BBS9: variants seen among roughly 807,000 people sequenced by gnomAD.
The protein encoded by BBS9 is Bardet-Biedl syndrome 9.
In BBS9, 89 loss-of-function variants were observed where a neutral mutation model predicts 117.7. The observed-to-expected ratio is 0.76, with a 90% CI of 0.64 to 0.90. The LOEUF is 0.90. Ranked by LOEUF, BBS9 falls within the 40% of genes least tolerant of loss-of-function variation. The pLI is 0.00. For synonymous variants in BBS9, 379 were observed against 370.9 expected (o/e 1.02, Z -0.25); for missense variants, 982 against 1,042.2 (o/e 0.94, Z 0.80).
At chr7:33,408,525 T>G (rs919056356) in intron 19 of BBS9, among the ~76,000 whole-genome samples, 17 of 152,212 alleles carry the variant, frequency 1.1e-4, no homozygotes, top group Non-Finnish European at 2.1e-4. Flanking sequence ...ACCTGTCTTC[T>G]GCGTCGCTCA....
rs145069087 is a variant in BBS9 at position 33,518,820 on chromosome 7, C to T, written c.2298+13175C>T. Among the ~76,000 whole-genome samples the T allele has an allele frequency of 4.6e-3, 707 of 152,324 alleles. 6 individuals are homozygous for T. The highest frequency in any genetic ancestry group is 0.016 in the African/African-American group (680 of 41,562). Reference sequence around the variant, plus strand: ...TTTTGAGATTTGTGCTGCTCCCCTACTGTTATCTTAGCTTGATAGCTGTGA... The same window carrying T: ...TTTTGAGATTTGTGCTGCTCCCCTATTGTTATCTTAGCTTGATAGCTGTGA... On this transcript the variant is annotated intron_variant, in intron 20 of 22. Coordinates refer to ENST00000242067, the MANE Select transcript of BBS9 (RefSeq NM_198428.3).
rs563964284 is a variant in BBS9, at chr7:33,513,689, C to A, written c.2298+8044C>A. Among the ~76,000 whole-genome samples the A allele has an allele frequency of 5.3e-5, 8 of 152,236 alleles. No individual in the cohort carries two copies. In the East Asian group the frequency reaches 1.5e-3, roughly 29 times the overall value. On this transcript the variant is annotated intron_variant, in intron 20 of 22. Coordinates refer to ENST00000242067, the MANE Select transcript of BBS9 (RefSeq NM_198428.3). Reference sequence around the variant, plus strand: ...CTAAAAGATATAGATAGATTATAGTCAAACCACCATAAATAAATATTCACA... The same window carrying A: ...CTAAAAGATATAGATAGATTATAGTAAAACCACCATAAATAAATATTCACA...
intron 7 of BBS9, among the ~76,000 whole-genome samples, chr7:33,269,613 G>A (rs1254005635): frequency 6.6e-6 from 1 of 152,036 alleles, no homozygotes; most frequent in Non-Finnish European, 1.5e-5. Context: ...CACAGAAGTG[G>A]GAGAAGAGCT....
At chr7:33,540,720 C>G (rs1263837277) in intron 21 of BBS9, among the ~76,000 whole-genome samples, 6 of 152,164 alleles carry the variant, frequency 3.9e-5, no homozygotes, top group Admixed American at 3.3e-4. Flanking sequence ...ATTAAAAGGG[C>G]AATGACCATG....
chr7:33,451,458 T>G (rs1246776823), intron 19 of BBS9, among the ~76,000 whole-genome samples: 2 of 152,216 alleles, frequency 1.3e-5, no homozygotes, highest in Admixed American at 6.5e-5. Flanking sequence ...GACTATATTT[T>G]CACCCACTAT....
intron 16 of BBS9, among the ~76,000 whole-genome samples, chr7:33,364,575 G>T (rs1821281848): frequency 6.6e-6 from 1 of 150,436 alleles, no homozygotes. Context: ...TCTTTCTTCT[G>T]CTTAATCAGT....
At chr7:33,360,609 T>A (rs950657135) in intron 16 of BBS9, among the ~76,000 whole-genome samples, 4 of 151,054 alleles carry the variant, frequency 2.6e-5, no homozygotes, top group African/African-American at 7.3e-5. Flanking sequence ...CAGCCTCTAC[T>A]TCCTGGGCTC....
At chr7:33,424,469 A>T (rs1037026586) in intron 19 of BBS9, among the ~76,000 whole-genome samples, 1 of 152,102 alleles carries the variant, frequency 6.6e-6, no homozygotes, top group Admixed American at 6.5e-5. Flanking sequence ...TGTTTTTTTT[A>T]AAAGGTTCCC....
At position 33,291,507 on chromosome 7, in the gene BBS9, A is replaced by AT. The variant is rs562067437; in HGVS notation, c.1016+17557dup. On this transcript the variant is annotated intron_variant, in intron 9 of 22. Transcript: ENST00000242067. ...TGAAAATTCATGCCTATTTTGAATA[A>AT]TTTTTTCAAGATTATGTCACATTTG... 2.0e-3 allele frequency among the ~76,000 whole-genome samples: 311 copies of AT among 152,174 alleles called. 1 individual carries two copies. The highest frequency in any genetic ancestry group is 6.6e-3 in the African/African-American group (276 of 41,516).
chr7:33,618,668 A>C (rs904075459), intron 21 of BBS9, among the ~76,000 whole-genome samples: 7 of 152,160 alleles, frequency 4.6e-5, no homozygotes, highest in African/African-American at 1.4e-4. Context: ...CAGGCCGGGC[A>C]ATATATCAAG....
chr7:33,189,409 C>T (rs1783680030), intron 5 of BBS9, among the ~76,000 whole-genome samples: 1 of 151,922 alleles, frequency 6.6e-6, no homozygotes, highest in African/African-American at 2.4e-5. Context: ...TGCCTTATAG[C>T]CCTGTTGAAT....
chr7:33,350,961 T>C (rs1818539729), intron 13 of BBS9, among the ~76,000 whole-genome samples: 1 of 152,216 alleles, frequency 6.6e-6, no homozygotes, highest in South Asian at 2.1e-4. Context: ...CCCAAAGTGT[T>C]GGGATTACAG....
Position 33,216,861 on chromosome 7 carries a change from C to T in BBS9, c.442+39270C>T, listed in dbSNP as rs570037258. 2.1e-4 allele frequency among the ~76,000 whole-genome samples: 32 copies of T among 152,130 alleles called. No homozygotes were observed. In the South Asian group the frequency reaches 4.4e-3, roughly 21 times the overall value. On this transcript the variant is annotated intron_variant, in intron 5 of 22. Transcript: ENST00000242067. Reference sequence around the variant, plus strand: ...TTGTAATCCCAATACTTTGGGAGGCCGAGGCGGGTGGATCACGAGGTCAGG... The same window carrying T: ...TTGTAATCCCAATACTTTGGGAGGCTGAGGCGGGTGGATCACGAGGTCAGG...
At chr7:33,534,301 C>T (rs1030360826) in intron 21 of BBS9, 125 bp downstream of exon 21, 1 of 1,023,126 alleles carries the variant, frequency 9.8e-7, no homozygotes, top group Non-Finnish European at 1.5e-6. Context: ...AAATTGATTT[C>T]ACGTTTCCCC....
rs1468367305 is a variant in BBS9 at position 33,582,901 on chromosome 7, A to C, written c.2522-21964A>C. Among the ~76,000 whole-genome samples, 3 of 152,134 alleles carry C rather than the reference A, an allele frequency of 2.0e-5. No homozygotes were observed. The East Asian group carries it at 5.8e-4, about 29-fold the overall frequency. ...TTTGTGGGAGCTCCATACCACATCT[A>C]TTCCTGCCTGCTACCAGAGGACCAG... On this transcript the variant is annotated intron_variant, in intron 21 of 22. Transcript: ENST00000242067.
At chr7:33,345,504 G>A (rs1418655582) in intron 12 of BBS9, among the ~76,000 whole-genome samples, 2 of 152,194 alleles carry the variant, frequency 1.3e-5, no homozygotes, top group Non-Finnish European at 2.9e-5. Context: ...ACTGGAACCA[G>A]CGGGTGGCCC....
At chr7:33,282,426 G>A (rs1455737022) in intron 9 of BBS9, among the ~76,000 whole-genome samples, 1 of 152,058 alleles carries the variant, frequency 6.6e-6, no homozygotes, top group Non-Finnish European at 1.5e-5. Context: ...AGACTGGAGT[G>A]CAGTGGCGTG....
At chr7:33,375,802 G>A (rs1375417714) in intron 17 of BBS9, among the ~76,000 whole-genome samples, 5 of 151,958 alleles carry the variant, frequency 3.3e-5, no homozygotes, top group Admixed American at 3.3e-4. Flanking sequence ...GCCCAGGCTG[G>A]TCTTGAACTC....
At chr7:33,403,440 T>C (rs1475768890) in intron 19 of BBS9, among the ~76,000 whole-genome samples, 3 of 150,378 alleles carry the variant, frequency 2.0e-5, no homozygotes, top group Non-Finnish European at 4.4e-5. Context: ...GCATTAGTTA[T>C]GTCTCCTAAT....
Sources: allele counts gnomAD v4.1 joint callset (sites outside exome capture counted in the v4.1 genomes callset), GRCh38; gene constraint gnomAD v4.1.1; transcripts MANE v1.5; gene names NCBI Gene and HGNC (gene_info 2026-07-23, HGNC 2026-07-21).